ITGAV: variants seen among roughly 807,000 people sequenced by gnomAD.
ITGAV encodes the protein integrin alpha-V.
ITGAV carries 76 observed loss-of-function variants against 143.8 expected under a neutral mutation model. That is an observed-to-expected ratio of 0.53 (90% CI 0.44 to 0.64). ITGAV has a LOEUF of 0.64. Among genes scored for constraint, ITGAV ranks in the 30% least tolerant of loss-of-function variants. The pLI is 0.00. For missense variants in ITGAV, 1,193 were observed against 1,274.7 expected, an observed-to-expected ratio of 0.94 and a Z score of 0.98; for synonymous variants, 453 against 446.7, an observed-to-expected ratio of 1.01 and a Z score of -0.18.
rs200764868 is a variant in ITGAV at position 186,646,890 on chromosome 2, C to G, written c.1351+13C>G. Reference sequence around the variant, plus strand: ...AATGGATATCCAGGTGCTTTCTTATCAACACATAGAGCCCTTAGATTTTTC... The same window carrying G: ...AATGGATATCCAGGTGCTTTCTTATGAACACATAGAGCCCTTAGATTTTTC... On this transcript the variant is annotated intron_variant, in intron 13 of 29. Transcript: ENST00000261023. 81 of 1,555,414 alleles carry G rather than the reference C, an allele frequency of 5.2e-5. No homozygotes were observed. Among genetic ancestry groups the G allele is most frequent in the Non-Finnish European group, 6.7e-5 (76 of 1,141,652 alleles).
intron 13 of ITGAV, among the ~76,000 whole-genome samples, chr2:186,649,424 G>A (rs1278867799): frequency 6.6e-6 from 1 of 151,686 alleles, no homozygotes; most frequent in Non-Finnish European, 1.5e-5. Context: ...TTGCTGATTC[G>A]AGTGCTATCT....
Position 186,678,514 on chromosome 2 carries a change from T to C in ITGAV, c.*1222T>C. ...CAGTCTCGGCTGTCAGAATAACTTC[T>C]AAAAGGTATTTTTATAAGCAGTTCA... is the stretch of plus-strand genomic sequence containing the variant. On this transcript the variant is annotated 3_prime_UTR_variant, in exon 30 of 30. Coordinates refer to ENST00000261023, the MANE Select transcript of ITGAV (RefSeq NM_002210.5). 4.0e-6 allele frequency: 1 copy of C among 250,334 alleles called. No individual in the cohort carries two copies. The highest frequency in any genetic ancestry group is 7.9e-6 in the Non-Finnish European group (1 of 126,448). The allele number at this position is 250,334 out of a possible 1,614,324, so 15.5% of individuals were successfully genotyped here. A position where few individuals can be genotyped will look rare whatever the true frequency, so the allele number is the denominator to read the frequency against.
intron 17 of ITGAV, among the ~76,000 whole-genome samples, chr2:186,657,623 A>T (rs61762258): frequency 3.3e-4 from 51 of 152,336 alleles, no homozygotes; most frequent in African/African-American, 1.2e-3. Flanking sequence ...TTTAATTTAA[A>T]TGAAAGTTAA....
rs144676143 is a variant in ITGAV, at chr2:186,677,275, G to A, written c.3130G>A (p.Gly1044Arg). ...EQLQPHENGE[G>R]NSET ...GCTTCAACCTCATGAAAATGGTGAA[G>A]GAAACTCAGAAACTTAACTGCAGTT... is the stretch of plus-strand genomic sequence containing the variant. The change falls in exon 30 of 30, where the codon GGA becomes AGA. Residue 1044 changes from glycine to arginine, a missense_variant. Coordinates refer to ENST00000261023, the MANE Select transcript of ITGAV (RefSeq NM_002210.5). 10 of 1,613,156 alleles carry A rather than the reference G, an allele frequency of 6.2e-6. No homozygotes were observed. In the African/African-American group the frequency reaches 1.3e-4, roughly 22 times the overall value.
chr2:186,605,897 G>GTATAATA (rs1687053004), intron 2 of ITGAV, among the ~76,000 whole-genome samples: 3 of 149,676 alleles, frequency 2.0e-5, no homozygotes, highest in African/African-American at 4.9e-5. Flanking sequence ...TTATGTATAT[G>GTATAATA]TATATCTTTT....
chr2:186,642,968 G>A (rs1482949945), intron 12 of ITGAV, among the ~76,000 whole-genome samples: 1 of 152,270 alleles, frequency 6.6e-6, no homozygotes, highest in South Asian at 2.1e-4. Context: ...ATAATAAAAT[G>A]TGAAAAGAAC....
At chr2:186,670,874 T>A (rs1383527910) in intron 26 of ITGAV, among the ~76,000 whole-genome samples, 1 of 152,212 alleles carries the variant, frequency 6.6e-6, no homozygotes, top group Non-Finnish European at 1.5e-5. Flanking sequence ...TCTAAATATA[T>A]ACCCTTGGGT....
chr2:186,613,575 G>A (rs1290825526), intron 2 of ITGAV, among the ~76,000 whole-genome samples: 1 of 152,018 alleles, frequency 6.6e-6, no homozygotes, highest in South Asian at 2.1e-4. Flanking sequence ...ACTTATTTTT[G>A]TATATATAAA....
intron 21 of ITGAV, among the ~76,000 whole-genome samples, chr2:186,665,641 C>T (rs1688876198): frequency 1.3e-5 from 2 of 152,148 alleles, no homozygotes. Context: ...AATCAGGCTC[C>T]CCTTCAGATG....
intron 4 of ITGAV, 84 bp downstream of exon 4, chr2:186,625,671 G>GTGTGTA: frequency 3.4e-6 from 2 of 585,808 alleles, no homozygotes; most frequent in African/African-American, 4.3e-5. Context: ...GGGTGTGTGT[G>GTGTGTA]TGTGTGTGAG....
intron 17 of ITGAV, among the ~76,000 whole-genome samples, chr2:186,658,470 A>AT (rs1688649810): frequency 6.6e-6 from 1 of 152,174 alleles, no homozygotes; most frequent in Non-Finnish European, 1.5e-5. Flanking sequence ...GTCACTATAT[A>AT]TAAGAATAAT....
At chr2:186,590,583 G>A (rs1362476096) in intron 1 of ITGAV, 60 bp downstream of exon 1, 2 of 1,475,692 alleles carry the variant, frequency 1.4e-6, no homozygotes, top group Non-Finnish European at 9.2e-7. Context: ...CACCCACCCA[G>A]CGTTTCTCCA....
rs748910834 is a variant in ITGAV, at chr2:186,638,451, T to G, written c.889T>G (p.Phe297Val). Residue 297 changes from phenylalanine (F) to valine (V), a missense_variant, in exon 10 of 30, where the codon TTT (phenylalanine) becomes GTT (valine). Phe to Val is a conservative substitution (Grantham distance 50). Coordinates refer to ENST00000261023, the MANE Select transcript of ITGAV (RefSeq NM_002210.5). ...GAAGAACATGTCCTCCTTATACAAT[T>G]TTACTGGCGAGCAGGTATGCTTCCA... is the stretch of plus-strand genomic sequence containing the variant. ...DGKNMSSLYNFTGEQMAAYFG... is the reference protein window; with the variant it reads ...DGKNMSSLYNVTGEQMAAYFG... 6.2e-7 allele frequency: 1 copy of G among 1,611,078 alleles called. No homozygotes were observed. The highest frequency in any genetic ancestry group is 1.7e-5 in the Admixed American group (1 of 60,004).
At chr2:186,638,716 C>T (rs1217193868) in intron 10 of ITGAV, among the ~76,000 whole-genome samples, 2 of 149,000 alleles carry the variant, frequency 1.3e-5, no homozygotes, top group Admixed American at 1.3e-4. Flanking sequence ...TTCATTTTGT[C>T]TTGCCTTTTT....
intron 19 of ITGAV, among the ~76,000 whole-genome samples, 189 bp downstream of exon 19, chr2:186,664,024 T>C (rs1279388516): frequency 6.6e-6 from 1 of 152,216 alleles, no homozygotes; most frequent in East Asian, 1.9e-4. Context: ...ACTAGTTGCC[T>C]AGGTTGAAAG....
At chr2:186,607,326 C>T (rs938689844) in intron 2 of ITGAV, among the ~76,000 whole-genome samples, 1 of 152,130 alleles carries the variant, frequency 6.6e-6, no homozygotes, top group South Asian at 2.1e-4. Flanking sequence ...GGAGATATTA[C>T]AACACTTTGT....
chr2:186,669,763 T>C lies in ITGAV; in HGVS notation c.2655T>C (p.His885=), dbSNP rs2230617. 5 of 1,614,144 alleles carry C rather than the reference T, an allele frequency of 3.1e-6. No homozygotes were observed. The East Asian group carries it at 1.1e-4, about 36-fold the overall frequency. ...DTVAGQGERD[H]LITKRDLALS... Reference sequence around the variant, plus strand: ...TTGCCGGGCAAGGTGAGCGGGACCATCTCATCACTAAGCGGGATCTTGCCC... The same window carrying C: ...TTGCCGGGCAAGGTGAGCGGGACCACCTCATCACTAAGCGGGATCTTGCCC... Residue 885 remains histidine, a synonymous_variant, in exon 26 of 30, where the codon CAT becomes CAC. Coordinates refer to ENST00000261023, the MANE Select transcript of ITGAV (RefSeq NM_002210.5).
At chr2:186,602,605 A>G (rs145243465) in intron 2 of ITGAV, among the ~76,000 whole-genome samples, 16 of 152,322 alleles carry the variant, frequency 1.1e-4, no homozygotes, top group Non-Finnish European at 2.2e-4. Context: ...GAGGCTGGGC[A>G]TAGTGGCTCA....
intron 15 of ITGAV, among the ~76,000 whole-genome samples, 174 bp from the exon 16 acceptor site, chr2:186,654,476 G>A (rs922819885): frequency 3.3e-5 from 5 of 152,044 alleles, no homozygotes; most frequent in Non-Finnish European, 5.9e-5. Context: ...ATTACTGAAG[G>A]ATGAGTTAGG....
Sources: gnomAD v4.1 joint callset for allele counts (sites outside exome capture counted in the v4.1 genomes callset) on GRCh38, gnomAD v4.1.1 for gene constraint, MANE v1.5 for transcripts, NCBI Gene and HGNC (gene_info 2026-07-23, HGNC 2026-07-21) for gene names.